Variants in MALRD1 observed in about 807,000 individuals in gnomAD.
The protein encoded by MALRD1 is MAM and LDL receptor class A domain containing 1, also known as MAM and LDL-receptor class A domain-containing protein 1.
MALRD1 carries 247 observed loss-of-function variants against 242.1 expected under a neutral mutation model. The observed-to-expected ratio is 1.02, with a 90% CI of 0.92 to 1.13. MALRD1 has a LOEUF of 1.13. MALRD1 is among the 50% of genes most tolerant of loss of function. The pLI, the probability that MALRD1 is intolerant of heterozygous loss-of-function variation, is 0.00. For missense variants in MALRD1, 2,989 were observed against 2,533.1 expected (o/e 1.18, Z -3.86); for synonymous variants, 995 against 866.6 (o/e 1.15, Z -2.60).
At chr10:19,241,979 G>C (rs1003046356) in intron 18 of MALRD1, among the ~76,000 whole-genome samples, 2 of 152,116 alleles carry the variant, frequency 1.3e-5, no homozygotes, top group African/African-American at 4.8e-5. Context: ...CATAATGTAT[G>C]ATTGGTCCTA....
chr10:19,375,253 A>G (rs542607073), intron 26 of MALRD1, among the ~76,000 whole-genome samples: 1 of 152,282 alleles, frequency 6.6e-6, no homozygotes, highest in African/African-American at 2.4e-5. Flanking sequence ...TTAATATTTC[A>G]TTTTTTAAAA....
At chr10:19,270,332 TCTCTCACACACACA>T (rs1300186550) in intron 19 of MALRD1, among the ~76,000 whole-genome samples, 5 of 72,590 alleles carry the variant, frequency 6.9e-5, no homozygotes, top group Admixed American at 2.2e-4. Flanking sequence ...TCTCTCTCTC[TCTCTCACACACACA>T]CACACACACA....
At chr10:19,197,377 G>A (rs543942551) in intron 14 of MALRD1, among the ~76,000 whole-genome samples, 2 of 152,218 alleles carry the variant, frequency 1.3e-5, no homozygotes, top group African/African-American at 4.8e-5. Context: ...ACTCTCTTCA[G>A]TAAAGTCAGA....
At chr10:19,465,667 A>T (rs542672600) in intron 29 of MALRD1, among the ~76,000 whole-genome samples, 53 of 152,248 alleles carry the variant, frequency 3.5e-4, no homozygotes, top group African/African-American at 1.2e-3. Context: ...AGTAGCCATG[A>T]CCACAGGTGC....
At position 19,278,810 on chromosome 10, in the gene MALRD1, A is replaced by G. The variant is rs543774053; in HGVS notation, c.3080-1237A>G. Among the ~76,000 whole-genome samples the G allele has an allele frequency of 1.2e-4, 19 of 152,376 alleles. No individual in the cohort carries two copies. The South Asian group carries it at 3.3e-3, about 27-fold the overall frequency. On this transcript the variant is annotated intron_variant, in intron 19 of 39. Transcript: ENST00000454679. The stretch of plus-strand genomic sequence containing the variant: ...TAAGGGTAAACAAGCTTTATCCCAC[A>G]TAAATAGCAATGCAGATATAATAAG...
chr10:19,612,107 T>C (rs1039454465), intron 35 of MALRD1, among the ~76,000 whole-genome samples: 2 of 151,986 alleles, frequency 1.3e-5, no homozygotes, highest in Non-Finnish European at 2.9e-5. Context: ...CATGTTTCAA[T>C]AAAACAAAAT....
intron 29 of MALRD1, among the ~76,000 whole-genome samples, chr10:19,481,006 G>T (rs1281821713): frequency 6.6e-6 from 1 of 152,098 alleles, no homozygotes. Context: ...TGAGTTTCAT[G>T]TCAGAAAAGA....
rs185515527 is a variant in MALRD1 at position 19,335,931 on chromosome 10, T to C, written c.3901+4349T>C. ...CAACCCGTCATCTACATTAGGCATTTCTCCTAATGCTGTCCCTCCCCTAGC... is the reference window on the plus strand; with the variant it reads ...CAACCCGTCATCTACATTAGGCATTCCTCCTAATGCTGTCCCTCCCCTAGC... On this transcript the variant is annotated intron_variant, in intron 24 of 39. Coordinates refer to ENST00000454679, the MANE Select transcript of MALRD1 (RefSeq NM_001142308.3). 3.6e-4 allele frequency among the ~76,000 whole-genome samples: 55 copies of C among 152,138 alleles called. 1 individual carries two copies. The highest frequency in any genetic ancestry group is 1.2e-3 in the African/African-American group (51 of 41,518).
chr10:19,205,995 A>G (rs1836766632), intron 17 of MALRD1, among the ~76,000 whole-genome samples: 1 of 151,286 alleles, frequency 6.6e-6, no homozygotes, highest in Admixed American at 6.6e-5. Context: ...TCATCCAGAA[A>G]TAGCAATGAT....
At chr10:19,625,255 A>G (rs889039339) in intron 36 of MALRD1, among the ~76,000 whole-genome samples, 5 of 152,112 alleles carry the variant, frequency 3.3e-5, no homozygotes, top group Admixed American at 3.3e-4. Flanking sequence ...TACTATGAGG[A>G]CAAATTTGAA....
chr10:19,608,253 T>C (rs536353032), intron 35 of MALRD1, among the ~76,000 whole-genome samples: 10 of 152,230 alleles, frequency 6.6e-5, no homozygotes, highest in African/African-American at 2.4e-4. Context: ...GTACTATTAT[T>C]TTATTTTTAA....
chr10:19,402,045 G>C (rs750524912), intron 28 of MALRD1, among the ~76,000 whole-genome samples: 1 of 152,162 alleles, frequency 6.6e-6, no homozygotes, highest in Admixed American at 6.6e-5. Flanking sequence ...CTAAAATTCT[G>C]CTCCCTCAAA....
chr10:19,174,427 T>C (rs187932818), intron 13 of MALRD1, among the ~76,000 whole-genome samples: 3 of 152,236 alleles, frequency 2.0e-5, no homozygotes, highest in East Asian at 1.9e-4. Context: ...ATCCTTGAGA[T>C]TGGAGACCCT....
chr10:19,715,411 TA>T (rs1471740234), intron 38 of MALRD1, among the ~76,000 whole-genome samples: 1 of 151,182 alleles, frequency 6.6e-6, no homozygotes, highest in African/African-American at 2.4e-5. Context: ...TATCTATATA[TA>T]AAATGTAACA....
chr10:19,208,805 G>A (rs1836905798), intron 17 of MALRD1, among the ~76,000 whole-genome samples: 1 of 152,138 alleles, frequency 6.6e-6, no homozygotes, highest in Non-Finnish European at 1.5e-5. Flanking sequence ...CCTGATGCGT[G>A]GCTTTACCAC....
intron 38 of MALRD1, among the ~76,000 whole-genome samples, chr10:19,727,281 T>C (rs952788137): frequency 2.6e-5 from 4 of 152,194 alleles, no homozygotes; most frequent in African/African-American, 9.7e-5. Context: ...AGATTGGTTT[T>C]TGTTTTATTC....
At chr10:19,356,789 G>A (rs113188785) in intron 26 of MALRD1, among the ~76,000 whole-genome samples, 1,922 of 152,072 alleles carry the variant, frequency 0.013, 39 homozygotes, top group African/African-American at 0.044. Context: ...AATAATTTCA[G>A]CTATTTTCCT....
chr10:19,643,436 A>G (rs1339082119), intron 36 of MALRD1, among the ~76,000 whole-genome samples: 1 of 152,142 alleles, frequency 6.6e-6, no homozygotes, highest in East Asian at 1.9e-4. Context: ...ACAAGAAAGA[A>G]ACTCCGTCTC....
chr10:19,275,409 C>G (rs532482543), intron 19 of MALRD1, among the ~76,000 whole-genome samples: 130 of 152,270 alleles, frequency 8.5e-4, no homozygotes, highest in African/African-American at 2.9e-3. Context: ...TGGCTCACGC[C>G]TGTAATCCCA....
Sources: gnomAD v4.1 joint callset for allele counts (sites outside exome capture counted in the v4.1 genomes callset) on GRCh38, gnomAD v4.1.1 for gene constraint, MANE v1.5 for transcripts, NCBI Gene and HGNC (gene_info 2026-07-23, HGNC 2026-07-21) for gene names.